TXNDC9: variants seen among roughly 807,000 people sequenced by gnomAD.
The protein encoded by TXNDC9 is thioredoxin domain-containing protein 9.
In TXNDC9, 7 loss-of-function variants were observed where a neutral mutation model predicts 23.0. The ratio of observed to expected loss-of-function variants is 0.30; its 90% CI spans 0.17 to 0.57. TXNDC9 has a LOEUF of 0.57. TXNDC9 is among the 20% of genes least tolerant of loss of function. The pLI is 0.90. For synonymous variants in TXNDC9, 72 were observed against 90.6 expected (o/e 0.79, Z 1.17); for missense variants, 198 against 252.6 (o/e 0.78, Z 1.47).
In TXNDC9 at chr2:99,327,321, C is replaced by A. The variant is rs141885483; in HGVS notation, c.308+214G>T. ...TCCTGACCTCAAGTGATCCACCCCC[C>A]ACTTGGCCTCCCAAAGTGCTGAGAT... On this transcript the variant is annotated intron_variant, in intron 3 of 4. Coordinates refer to ENST00000264255, the MANE Select transcript of TXNDC9 (RefSeq NM_005783.4). 4.3e-3 allele frequency among the ~76,000 whole-genome samples: 653 copies of A among 152,296 alleles called. 6 individuals are homozygous for A. Among genetic ancestry groups the A allele is most frequent in the African/African-American group, 0.015 (611 of 41,544 alleles).
intron 2 of TXNDC9, 125 bp downstream of exon 2, chr2:99,332,897 A>T: frequency 1.3e-6 from 1 of 786,768 alleles, no homozygotes; most frequent in Non-Finnish European, 2.0e-6. Flanking sequence ...TAACAGTAAT[A>T]GGTATTCTGA....
downstream of TXNDC9, among the ~76,000 whole-genome samples, chr2:99,315,203 C>G (rs377429310): frequency 1.3e-5 from 2 of 151,834 alleles, no homozygotes; most frequent in Non-Finnish European, 2.9e-5. Flanking sequence ...GCTGGGACTA[C>G]AGGCGCATGC....
At chr2:99,322,276 CA>C in intron 3 of TXNDC9, 67 bp from the exon 4 acceptor site, 1 of 1,539,358 alleles carries the variant, frequency 6.5e-7, no homozygotes, top group Admixed American at 2.1e-5. Context: ...AAATAAATAT[CA>C]TCAAGGGAAA....
chr2:99,334,848 A>T (rs1302800770), intron 1 of TXNDC9, among the ~76,000 whole-genome samples: 2 of 152,124 alleles, frequency 1.3e-5, no homozygotes, highest in African/African-American at 4.8e-5. Flanking sequence ...AGTAGCCGGG[A>T]CTACAGGCGC....
At chr2:99,321,650 T>C (rs2094201980) in intron 4 of TXNDC9, 2 of 219,420 alleles carry the variant, frequency 9.1e-6, no homozygotes, top group Admixed American at 1.1e-4. Context: ...ATTGCCATTT[T>C]AAGTTTCCAG....
At chr2:99,313,355 T>C in the TXNDC9 span, among the ~76,000 whole-genome samples, 126,596 of 152,152 alleles carry the variant, frequency 0.83, 53,251 homozygotes, top group Middle Eastern at 0.98. Flanking sequence ...CTGGTAATCA[T>C]GCCTGGCCTA....
intron 1 of TXNDC9, among the ~76,000 whole-genome samples, chr2:99,335,203 C>G (rs1181226247): frequency 6.6e-6 from 1 of 152,162 alleles, no homozygotes; most frequent in Non-Finnish European, 1.5e-5. Flanking sequence ...TGAAGCACCC[C>G]AAACTTCACA....
intron 3 of TXNDC9, among the ~76,000 whole-genome samples, chr2:99,323,262 C>G (rs2094206542): frequency 6.6e-6 from 1 of 151,736 alleles, no homozygotes; most frequent in Non-Finnish European, 1.5e-5. Context: ...CAAAAATTAG[C>G]TGGGTGTGGT....
chr2:99,336,328 G>A lies in TXNDC9; in HGVS notation c.-122C>T, dbSNP rs1216254695. On this transcript the variant is annotated 5_prime_UTR_variant, in exon 1 of 5. Coordinates refer to ENST00000264255, the MANE Select transcript of TXNDC9 (RefSeq NM_005783.4). ...CTTTTGCCTTGCAGTAGCTGCCGGC[G>A]GCTGCAAACGGGCCGTCACATCCGC... is the stretch of plus-strand genomic sequence containing the variant. 1 of 985,462 alleles carries A rather than the reference G, an allele frequency of 1.0e-6. No individual in the cohort carries two copies. Among genetic ancestry groups the A allele is most frequent in the Non-Finnish European group, 1.2e-6 (1 of 829,964 alleles). 61.0% of individuals were successfully genotyped at this position (985,462 alleles called of 1,614,324 possible). A position where few individuals can be genotyped will look rare whatever the true frequency, so the allele number is the denominator to read the frequency against.
At position 99,319,706 on chromosome 2, in the gene TXNDC9, A is replaced by G. The variant is rs1559232906; in HGVS notation, c.657T>C (p.Tyr219=). 2 of 1,598,780 alleles carry G rather than the reference A, an allele frequency of 1.3e-6. No homozygotes were observed. The highest frequency in any genetic ancestry group is 2.3e-5 in the South Asian group (2 of 86,732). Residue 219 remains tyrosine, a synonymous_variant, in exon 5 of 5, where the codon TAT becomes TAC. Coordinates refer to ENST00000264255, the MANE Select transcript of TXNDC9 (RefSeq NM_005783.4). Reference sequence around the variant, plus strand: ...TCTAATCATCATCAGAGTCTGAATCATATTTCTTTCCTCGGATAGTTTTCT... The same window carrying G: ...TCTAATCATCATCAGAGTCTGAATCGTATTTCTTTCCTCGGATAGTTTTCT... ...LEKKTIRGKK[Y]DSDSDDD
chr2:99,333,507 A>C (rs2094230835), intron 1 of TXNDC9, among the ~76,000 whole-genome samples: 1 of 152,242 alleles, frequency 6.6e-6, no homozygotes, highest in African/African-American at 2.4e-5. Context: ...TACTAAAGCC[A>C]AGACAAGTCT....
At chr2:99,318,656 T>TGCA (rs1559232588), downstream of TXNDC9, among the ~76,000 whole-genome samples, 14 of 152,178 alleles carry the variant, frequency 9.2e-5, no homozygotes, top group Non-Finnish European at 1.6e-4. Flanking sequence ...ACCTTCACTC[T>TGCA]ACGTACGAGT....
At chr2:99,311,512 G>A in the TXNDC9 span, among the ~76,000 whole-genome samples, 1 of 152,118 alleles carries the variant, frequency 6.6e-6, no homozygotes, top group African/African-American at 2.4e-5. Flanking sequence ...TGCCCAGGCT[G>A]GTCTCGAACT....
rs2094197587 is a variant in TXNDC9, at chr2:99,319,945, A to G, written c.564-146T>C. On this transcript the variant is annotated intron_variant, in intron 4 of 4. Coordinates refer to ENST00000264255, the MANE Select transcript of TXNDC9 (RefSeq NM_005783.4). The stretch of plus-strand genomic sequence containing the variant: ...GTCAGGGAAGAGGTATAATGCTTAT[A>G]TTGATATTGATGGTTAATAGCCTTA... 5.1e-6 allele frequency: 3 copies of G among 582,812 alleles called. No individual in the cohort carries two copies. In the African/African-American group the frequency reaches 5.7e-5, roughly 11 times the overall value. 36.1% of individuals were successfully genotyped at this position (582,812 alleles called of 1,614,324 possible). A position where few individuals can be genotyped will look rare whatever the true frequency, so the allele number is the denominator to read the frequency against.
chr2:99,333,581 C>T (rs769652902), intron 1 of TXNDC9, among the ~76,000 whole-genome samples: 31 of 152,120 alleles, frequency 2.0e-4, no homozygotes, highest in African/African-American at 4.3e-4. Context: ...TATATACTGA[C>T]AATCAGTGTT....
chr2:99,316,685 C>T (rs1012302526), downstream of TXNDC9, among the ~76,000 whole-genome samples: 9 of 152,058 alleles, frequency 5.9e-5, no homozygotes, highest in Non-Finnish European at 1.5e-5. Flanking sequence ...TGTAGAGCTC[C>T]TCTAATGAAT....
intron 4 of TXNDC9, chr2:99,321,708 T>C (rs1454282591): frequency 9.6e-6 from 4 of 416,802 alleles, no homozygotes; most frequent in African/African-American, 6.1e-5. Flanking sequence ...TGAAAACTTT[T>C]ATAGTCAGGA....
Position 99,319,638 on chromosome 2 carries a change from C to T in TXNDC9, c.*44G>A. 7.2e-7 allele frequency: 1 copy of T among 1,398,032 alleles called. No individual in the cohort carries two copies. The allele number at this position is 1,398,032 out of a possible 1,614,324, so 86.6% of individuals were successfully genotyped here. A position where few individuals can be genotyped will look rare whatever the true frequency, so the allele number is the denominator to read the frequency against. On this transcript the variant is annotated 3_prime_UTR_variant, in exon 5 of 5. Coordinates refer to ENST00000264255, the MANE Select transcript of TXNDC9 (RefSeq NM_005783.4). ...TAGAATTTTAAAAACACATTTAAAT[C>T]TGAAGCAGAAAAAAAAAGACAATTT...
chr2:99,330,011 C>T (rs188852278), intron 2 of TXNDC9, among the ~76,000 whole-genome samples: 5 of 142,178 alleles, frequency 3.5e-5, no homozygotes, highest in East Asian at 4.3e-4. Context: ...ATTTCTAGGC[C>T]GGGCGCAGTG....
Sources: allele counts gnomAD v4.1 joint callset (sites outside exome capture counted in the v4.1 genomes callset), GRCh38; gene constraint gnomAD v4.1.1; transcripts MANE v1.5; gene names NCBI Gene and HGNC (gene_info 2026-07-23, HGNC 2026-07-21).